DYDC2: variants seen among roughly 807,000 people sequenced by gnomAD.
The protein encoded by DYDC2 is DPY30 domain containing 2.
DYDC2 carries 19 observed loss-of-function variants against 18.7 expected under a neutral mutation model. The observed-to-expected ratio is 1.02, with a 90% CI of 0.71 to 1.49. The LOEUF is 1.49. Ranked by LOEUF, DYDC2 falls within the 40% of genes most tolerant of loss-of-function variation. DYDC2 has a pLI of 0.00. For synonymous variants in DYDC2, 63 were observed against 67.6 expected, an observed-to-expected ratio of 0.93 and a Z score of 0.34; for missense variants, 179 against 205.1, an observed-to-expected ratio of 0.87 and a Z score of 0.78.
Position 80,366,743 on chromosome 10 carries a change from C to G in DYDC2, c.326C>G (p.Thr109Arg). Residue 109 changes from threonine (T) to arginine (R), a missense_variant, in exon 5 of 5, where the codon ACA (threonine) becomes AGA (arginine). By Grantham distance (71) the Thr-to-Arg change is moderately conservative (BLOSUM62 -1). Coordinates refer to ENST00000256039, the MANE Select transcript of DYDC2 (RefSeq NM_032372.6). ...AAGACCATATTCATGCAGGAGGACACAAACCCCCTTGAGAAGGAGGCCTTG... is the reference window on the plus strand; with the variant it reads ...AAGACCATATTCATGCAGGAGGACAGAAACCCCCTTGAGAAGGAGGCCTTG... ...TKKTIFMQEDTNPLEKEALKQ... is the reference protein window; with the variant it reads ...TKKTIFMQEDRNPLEKEALKQ... The G allele has an allele frequency of 1.2e-6, 2 of 1,614,056 alleles. No homozygotes were observed. Among genetic ancestry groups the G allele is most frequent in the Non-Finnish European group, 1.7e-6 (2 of 1,179,972 alleles).
chr10:80,352,927 C>T (rs150702536), upstream of DYDC2, among the ~76,000 whole-genome samples: 3,293 of 152,242 alleles, frequency 0.022, 50 homozygotes, highest in Non-Finnish European at 0.031. Flanking sequence ...GTAATCCTCA[C>T]AACATACCTG....
intron 1 of DYDC2, among the ~76,000 whole-genome samples, chr10:80,346,931 T>C (rs534171532): frequency 6.6e-6 from 1 of 151,558 alleles, no homozygotes; most frequent in African/African-American, 2.4e-5. Context: ...AAAAAAAAAA[T>C]TAGCCAGGTG....
At position 80,367,978 on chromosome 10, in the gene DYDC2, C is replaced by T. The variant is rs1280315437; in HGVS notation, c.*1027C>T. 2.0e-5 allele frequency: 3 copies of T among 152,172 alleles called. No homozygotes were observed. The highest frequency in any genetic ancestry group is 7.2e-5 in the African/African-American group (3 of 41,424). The allele number at this position is 152,172 out of a possible 1,614,324, so 9.4% of individuals were successfully genotyped here. A position where few individuals can be genotyped will look rare whatever the true frequency, so the allele number is the denominator to read the frequency against. On this transcript the variant is annotated 3_prime_UTR_variant, in exon 5 of 5. Coordinates refer to ENST00000256039, the MANE Select transcript of DYDC2 (RefSeq NM_032372.6). ...CCCATTAAAAAATAACTCGCCATTT[C>T]TCTCTCTCCCCAGCCCCTGGCAACC... is the stretch of plus-strand genomic sequence containing the variant.
In DYDC2 at chr10:80,367,293, A is replaced by G. The variant is rs1843866262; in HGVS notation, c.*342A>G. On this transcript the variant is annotated 3_prime_UTR_variant, in exon 5 of 5. Coordinates refer to ENST00000256039, the MANE Select transcript of DYDC2 (RefSeq NM_032372.6). ...AGTCCAGCCGAGTCAAAGGAAAGAGAAAAGACAAGTCAAGAGAGAAAGTGG... is the reference window on the plus strand; with the variant it reads ...AGTCCAGCCGAGTCAAAGGAAAGAGGAAAGACAAGTCAAGAGAGAAAGTGG... 1 of 185,992 alleles carries G rather than the reference A, an allele frequency of 5.4e-6. No individual in the cohort carries two copies. Among genetic ancestry groups the G allele is most frequent in the African/African-American group, 2.4e-5 (1 of 42,464 alleles). The allele number at this position is 185,992 out of a possible 1,614,324, so 11.5% of individuals were successfully genotyped here.
chr10:80,358,742 A>G (rs11202666), intron 2 of DYDC2, among the ~76,000 whole-genome samples: 31,787 of 152,128 alleles, frequency 0.21, 4,359 homozygotes, highest in East Asian at 0.54. Context: ...CTGCATCTCA[A>G]CAAGTCCCAA....
rs749152830 is a variant in DYDC2, at chr10:80,366,823, G to C, written c.406G>C (p.Val136Leu). The change falls in exon 5 of 5, where the codon GTT becomes CTT. Residue 136 changes from valine (V) to leucine (L), a missense_variant. Coordinates refer to ENST00000256039, the MANE Select transcript of DYDC2 (RefSeq NM_032372.6). The stretch of plus-strand genomic sequence containing the variant: ...TCTGATTCCAGGAATGCCTCAACAG[G>C]TTCCTCCTTCAGAGTCTGCTGGCCA... ...SSLIPGMPQQ[V>L]PPSESAGQID... is the part of the protein sequence containing the mutation. 1.2e-6 allele frequency: 2 copies of C among 1,614,122 alleles called. No individual in the cohort carries two copies. Among genetic ancestry groups the C allele is most frequent in the Non-Finnish European group, 1.7e-6 (2 of 1,180,024 alleles).
intron 2 of DYDC2, among the ~76,000 whole-genome samples, chr10:80,358,575 T>G (rs1181561674): frequency 1.3e-5 from 2 of 152,186 alleles, no homozygotes; most frequent in African/African-American, 2.4e-5. Flanking sequence ...GTAACCAGTG[T>G]GGCAGCCACC....
In DYDC2 at chr10:80,367,867, T is replaced by A. The variant is rs1843884024; in HGVS notation, c.*916T>A. 6.6e-6 allele frequency: 1 copy of A among 152,230 alleles called. No homozygotes were observed. Among genetic ancestry groups the A allele is most frequent in the Non-Finnish European group, 1.5e-5 (1 of 68,042 alleles). The allele number at this position is 152,230 out of a possible 1,614,324, so 9.4% of individuals were successfully genotyped here. A position where few individuals can be genotyped will look rare whatever the true frequency, so the allele number is the denominator to read the frequency against. ...ACCATTTTTAAGTGTACAGATCAGT[T>A]GTATTAAGTAGATTCATATTCTTGT... On this transcript the variant is annotated 3_prime_UTR_variant, in exon 5 of 5. Transcript: ENST00000256039.
chr10:80,366,630 C>T (rs1589536552), intron 4 of DYDC2, 58 bp from the exon 5 acceptor site: 1 of 1,529,850 alleles, frequency 6.5e-7, no homozygotes, highest in East Asian at 2.3e-5. Context: ...TTTTGCCATA[C>T]ATCTTGTGTG....
intron 2 of DYDC2, among the ~76,000 whole-genome samples, chr10:80,359,517 G>A (rs546163053): frequency 2.2e-4 from 34 of 152,270 alleles, no homozygotes; most frequent in African/African-American, 7.9e-4. Flanking sequence ...GCCCTTGGGC[G>A]GTCGATGGGA....
chr10:80,351,955 C>T, upstream of DYDC2: 7 of 1,614,166 alleles, frequency 4.3e-6, no homozygotes, highest in Non-Finnish European at 5.9e-6. Context: ...CCTGCTCCAT[C>T]AGAGCTAATT....
chr10:80,352,440 G>A (rs1843052544), upstream of DYDC2: 2 of 1,559,952 alleles, frequency 1.3e-6, no homozygotes, highest in Non-Finnish European at 1.7e-6. Context: ...TTCCTAGAAG[G>A]AGATTCCTAC....
At chr10:80,359,618 C>T (rs1303157416) in intron 2 of DYDC2, among the ~76,000 whole-genome samples, 1 of 152,156 alleles carries the variant, frequency 6.6e-6, no homozygotes, top group Non-Finnish European at 1.5e-5. Context: ...GCATGGCGGG[C>T]TGCATGTCCG....
chr10:80,363,505 C>T (rs1181090658), intron 4 of DYDC2, among the ~76,000 whole-genome samples: 5 of 116,156 alleles, frequency 4.3e-5, no homozygotes, highest in Non-Finnish European at 8.4e-5. Flanking sequence ...CCACCACGCC[C>T]GGCTAATTTT....
upstream of DYDC2, among the ~76,000 whole-genome samples, chr10:80,355,504 T>C (rs1375319331): frequency 6.6e-6 from 1 of 152,094 alleles, no homozygotes; most frequent in African/African-American, 2.4e-5. Context: ...AAAGATATAG[T>C]TGCAAAAATA....
Position 80,366,785 on chromosome 10 carries a change from C to T in DYDC2, c.368C>T (p.Pro123Leu), listed in dbSNP as rs36027713. Residue 123 changes from proline to leucine, a missense_variant, in exon 5 of 5, where the codon CCA (proline) becomes CTA (leucine). Pro to Leu is a moderately conservative substitution (Grantham distance 98). Coordinates refer to ENST00000256039, the MANE Select transcript of DYDC2 (RefSeq NM_032372.6). Reference protein sequence around the residue: ...EKEALKQEFLPGTSSLIPGMP... With the variant: ...EKEALKQEFLLGTSSLIPGMP... Reference sequence around the variant, plus strand: ...GAGGCCTTGAAGCAGGAATTCCTGCCAGGTACTTCCAGTCTGATTCCAGGA... The same window carrying T: ...GAGGCCTTGAAGCAGGAATTCCTGCTAGGTACTTCCAGTCTGATTCCAGGA... 1 of 1,614,040 alleles carries T rather than the reference C, an allele frequency of 6.2e-7. No individual in the cohort carries two copies. The highest frequency in any genetic ancestry group is 8.5e-7 in the Non-Finnish European group (1 of 1,180,024).
At chr10:80,347,307 C>A (rs1842724743) in intron 1 of DYDC2, among the ~76,000 whole-genome samples, 1 of 23,586 alleles carries the variant, frequency 4.2e-5, no homozygotes, top group African/African-American at 2.2e-4. Context: ...TTTTTTTTTG[C>A]TATTGAGTTT....
upstream of DYDC2, chr10:80,352,529 G>A (rs143458629): frequency 1.3e-5 from 21 of 1,613,328 alleles, no homozygotes; most frequent in African/African-American, 1.2e-4. Context: ...TCCACTGGGC[G>A]AACTCTTGCC....
upstream of DYDC2, chr10:80,356,533 G>A (rs962187724): frequency 3.1e-5 from 31 of 985,370 alleles, no homozygotes; most frequent in Non-Finnish European, 2.2e-5. Context: ...CGCTCAGGGG[G>A]AGCAGGAGGA....
Sources: gnomAD v4.1 joint callset for allele counts (sites outside exome capture counted in the v4.1 genomes callset) on GRCh38, gnomAD v4.1.1 for gene constraint, MANE v1.5 for transcripts, NCBI Gene and HGNC (gene_info 2026-07-23, HGNC 2026-07-21) for gene names.